Variants in MSR1 observed in about 807,000 individuals in gnomAD.
MSR1 encodes the protein macrophage scavenger receptor 1, also known as macrophage scavenger receptor types I and II.
Under a neutral mutation model 47.2 loss-of-function variants are expected in MSR1, and 53 were observed. That is an observed-to-expected ratio of 1.12 (90% CI 0.90 to 1.41). The LOEUF (loss-of-function observed/expected upper bound fraction) is 1.41, where lower values mean the gene tolerates loss of function less well. Ranked by LOEUF, MSR1 falls within the 40% of genes most tolerant of loss-of-function variation. The pLI, the probability that MSR1 is intolerant of heterozygous loss-of-function variation, is 0.00. For synonymous variants in MSR1, 239 were observed against 185.6 expected (o/e 1.29, Z -2.34); for missense variants, 786 against 546.9 (o/e 1.44, Z -4.36).
intron 8 of MSR1, chr8:16,141,183 G>C: frequency 1.1e-6 from 1 of 901,666 alleles, no homozygotes; most frequent in Non-Finnish European, 1.7e-6. Flanking sequence ...GGGGAATCAG[G>C]CACTTTCATA....
intron 7 of MSR1, among the ~76,000 whole-genome samples, chr8:16,145,271 C>T (rs774921673): frequency 6.6e-6 from 1 of 152,026 alleles, no homozygotes; most frequent in Non-Finnish European, 1.5e-5. Context: ...TACCACAAAG[C>T]ACCCAAAACC....
At chr8:16,155,714 G>A (rs2117147008) in intron 5 of MSR1, among the ~76,000 whole-genome samples, 1 of 151,856 alleles carries the variant, frequency 6.6e-6, no homozygotes, top group East Asian at 1.9e-4. Context: ...GATATGAGGG[G>A]TACTTTCAAG....
intron 1 of MSR1, among the ~76,000 whole-genome samples, chr8:16,183,689 C>A (rs1801908081): frequency 8.0e-6 from 1 of 124,874 alleles, no homozygotes; most frequent in Admixed American, 9.9e-5. Context: ...ATATATATTT[C>A]CCAATTATAT....
intron 1 of MSR1, among the ~76,000 whole-genome samples, chr8:16,183,257 G>A (rs1456923859): frequency 1.3e-5 from 2 of 151,934 alleles, no homozygotes; most frequent in Non-Finnish European, 2.9e-5. Flanking sequence ...AAACAGCTCA[G>A]ATTATTCTAT....
intron 3 of MSR1, among the ~76,000 whole-genome samples, chr8:16,172,052 T>A (rs1489041232): frequency 6.6e-6 from 1 of 152,204 alleles, no homozygotes. Flanking sequence ...ATGCCCAATA[T>A]TGATTAACTA....
chr8:16,131,441 G>GTTTTTTTTTTTTTTTT (rs56321577), intron 8 of MSR1, among the ~76,000 whole-genome samples: 2 of 54,656 alleles, frequency 3.7e-5, no homozygotes, highest in African/African-American at 1.6e-4. Context: ...TCTGTTGATA[G>GTTTTTTTTTTTTTTTT]TTTTTTTTTT....
chr8:16,159,850 A>G (rs1801114309), intron 5 of MSR1, among the ~76,000 whole-genome samples: 1 of 152,006 alleles, frequency 6.6e-6, no homozygotes, highest in South Asian at 2.1e-4. Flanking sequence ...GCTTCATGCA[A>G]GAGGTGGCAT....
rs979325542 is a variant in MSR1 at position 16,164,633 on chromosome 8, G to A, written c.631-382C>T. Among the ~76,000 whole-genome samples, 41 of 151,910 alleles carry A rather than the reference G, an allele frequency of 2.7e-4. 1 individual carries two copies. Among genetic ancestry groups the A allele is most frequent in the Admixed American group, 1.8e-3 (27 of 15,256 alleles). On this transcript the variant is annotated intron_variant, in intron 4 of 9. Coordinates refer to ENST00000262101, the MANE Select transcript of MSR1 (RefSeq NM_138715.3). ...TACAGTGGCAACATAGTCAAATTTC[G>A]TGAATTTGATAGATTTATATTGGAA...
intron 9 of MSR1, among the ~76,000 whole-genome samples, chr8:16,114,390 A>C (rs2117049856): frequency 6.6e-6 from 1 of 152,224 alleles, no homozygotes; most frequent in African/African-American, 2.4e-5. Flanking sequence ...AGCACTATAA[A>C]CTCAGGAGAA....
intron 4 of MSR1, among the ~76,000 whole-genome samples, chr8:16,167,990 A>C (rs113158669): frequency 1.3e-5 from 2 of 152,164 alleles, no homozygotes; most frequent in Non-Finnish European, 2.9e-5. Flanking sequence ...CCCCATACAA[A>C]AACTGTAATA....
chr8:16,129,773 T>C (rs1800213220), intron 8 of MSR1, among the ~76,000 whole-genome samples: 1 of 63,394 alleles, frequency 1.6e-5, no homozygotes. Flanking sequence ...AAGATTTACA[T>C]CTTAAGGGCA....
intron 2 of MSR1, among the ~76,000 whole-genome samples, chr8:16,177,337 A>C (rs1291337229): frequency 6.6e-6 from 1 of 151,924 alleles, no homozygotes; most frequent in Non-Finnish European, 1.5e-5. Flanking sequence ...CAGAGAGAAG[A>C]CCATACGAAG....
At chr8:16,179,677 C>T (rs368307526) in intron 1 of MSR1, among the ~76,000 whole-genome samples, 151 of 151,826 alleles carry the variant, frequency 9.9e-4, no homozygotes, top group African/African-American at 3.5e-3. Context: ...GTCAGGATTT[C>T]GAGACCAGCC....
rs1799718019 is a variant in MSR1, at chr8:16,109,931, T to C, written c.*154A>G. The stretch of plus-strand genomic sequence containing the variant: ...AAATATAGACATAAAATAGTAAGCA[T>C]GAAGGTGTTCAATATATTAATCCTG... On this transcript the variant is annotated 3_prime_UTR_variant, in exon 10 of 10. Transcript: ENST00000262101. 4 of 835,694 alleles carry C rather than the reference T, an allele frequency of 4.8e-6. No individual in the cohort carries two copies. The highest frequency in any genetic ancestry group is 3.4e-5 in the African/African-American group (2 of 58,624). The allele number at this position is 835,694 out of a possible 1,614,324, so 51.8% of individuals were successfully genotyped here.
chr8:16,185,783 A>G (rs1801978640), intron 1 of MSR1, among the ~76,000 whole-genome samples: 1 of 151,994 alleles, frequency 6.6e-6, no homozygotes, highest in Admixed American at 6.6e-5. Flanking sequence ...AGCATCTAAA[A>G]CACAGCATTT....
At chr8:16,113,110 C>T (rs963271209) in intron 9 of MSR1, among the ~76,000 whole-genome samples, 19 of 151,484 alleles carry the variant, frequency 1.3e-4, no homozygotes, top group Admixed American at 1.3e-3. Context: ...CCACCACGCC[C>T]AGTTAATTTT....
At chr8:16,192,081 A>G (rs1194956496) in intron 1 of MSR1, among the ~76,000 whole-genome samples, 1 of 152,130 alleles carries the variant, frequency 6.6e-6, no homozygotes, top group Non-Finnish European at 1.5e-5. Context: ...AAAAAGAACT[A>G]TATCTTATTT....
rs748660309 is a variant in MSR1 at position 16,168,657 on chromosome 8, A to C, written c.431T>G (p.Phe144Cys). 1 of 1,614,108 alleles carries C rather than the reference A, an allele frequency of 6.2e-7. No homozygotes were observed. Among genetic ancestry groups the C allele is most frequent in the South Asian group, 1.1e-5 (1 of 91,084 alleles). ...NLMDTEHFQN[F>C]SMTTDQRFND... is the part of the protein sequence containing the mutation. ...AAATCTTTGATCAGTTGTCATGCTG[A>C]AATTTTGGAAATGCTCTGTGTCCAT... The change falls in exon 4 of 10, where the codon TTC (phenylalanine) becomes TGC (cysteine). Residue 144 changes from phenylalanine (F) to cysteine (C), a missense_variant. By Grantham distance (205) the Phe-to-Cys change is radical. Transcript: ENST00000262101.
At chr8:16,192,111 T>C (rs1802215828) in intron 1 of MSR1, among the ~76,000 whole-genome samples, 1 of 152,098 alleles carries the variant, frequency 6.6e-6, no homozygotes, top group Non-Finnish European at 1.5e-5. Flanking sequence ...TTTCCCCACA[T>C]CTAGTTCAAT....
Sources: gnomAD v4.1 joint callset for allele counts (sites outside exome capture counted in the v4.1 genomes callset) on GRCh38, gnomAD v4.1.1 for gene constraint, MANE v1.5 for transcripts, NCBI Gene and HGNC (gene_info 2026-07-23, HGNC 2026-07-21) for gene names.